Variants in TENM4 observed in about 807,000 individuals in gnomAD.
The protein encoded by TENM4 is teneurin transmembrane protein 4.
Under a neutral mutation model 243.3 loss-of-function variants are expected in TENM4, and 82 were observed. The observed-to-expected ratio is 0.34, with a 90% CI of 0.28 to 0.40. TENM4 has a LOEUF of 0.40. TENM4 is among the 10% of genes least tolerant of loss of function. The probability of loss-of-function intolerance (pLI) is 1.00; values close to 1 mark genes in which losing one functional copy is unlikely to be tolerated. For missense variants in TENM4, 3,138 were observed against 3,673.3 expected (o/e 0.85, Z 3.77); for synonymous variants, 1,412 against 1,456.3 (o/e 0.97, Z 0.69).
At chr11:79,012,127 C>G (rs567445901) in intron 6 of TENM4, among the ~76,000 whole-genome samples, 5 of 152,230 alleles carry the variant, frequency 3.3e-5, no homozygotes, top group African/African-American at 9.6e-5. Context: ...GAGACCGGCT[C>G]CTCTGTCCTG....
chr11:79,138,417 A>G lies in TENM4; in HGVS notation c.-66+10293T>C, dbSNP rs1379886444. Among the ~76,000 whole-genome samples, 34 of 116,302 alleles carry G rather than the reference A, an allele frequency of 2.9e-4. 2 individuals carry two copies. In the East Asian group the frequency reaches 7.1e-3, roughly 24 times the overall value. 76.3% of individuals were successfully genotyped at this position (116,302 alleles called of 152,430 possible). On this transcript the variant is annotated intron_variant, in intron 4 of 33. Transcript: ENST00000278550. ...ATAGTTATATATAAATAAAATATAT[A>G]TTATATTATATATAAATATATATTA...
At chr11:78,878,739 G>T (rs1013053182) in intron 9 of TENM4, among the ~76,000 whole-genome samples, 1 of 152,214 alleles carries the variant, frequency 6.6e-6, no homozygotes, top group South Asian at 2.1e-4. Flanking sequence ...GGATCTAGCA[G>T]TGAGTAACAG....
intron 6 of TENM4, among the ~76,000 whole-genome samples, chr11:79,021,238 C>G (rs1399376856): frequency 6.6e-6 from 1 of 152,154 alleles, no homozygotes; most frequent in African/African-American, 2.4e-5. Context: ...CATCTGAAAG[C>G]AGGAGCCATT....
intron 9 of TENM4, among the ~76,000 whole-genome samples, chr11:78,864,595 A>G (rs1200020930): frequency 1.3e-5 from 2 of 152,256 alleles, no homozygotes; most frequent in Non-Finnish European, 2.9e-5. Context: ...TTCATCTCCA[A>G]TAATGTTTGT....
At chr11:79,312,721 A>C (rs1856742209) in intron 1 of TENM4, among the ~76,000 whole-genome samples, 1 of 152,156 alleles carries the variant, frequency 6.6e-6, no homozygotes, top group Admixed American at 6.5e-5. Flanking sequence ...ATGTGTTCCC[A>C]ACACTTCTTG....
chr11:79,097,190 G>C (rs71471438), intron 4 of TENM4: 2 of 152,172 alleles, frequency 1.3e-5, no homozygotes, highest in African/African-American at 2.4e-5. Context: ...TCGGAGCCCA[G>C]GTCTAAGAAC....
intron 9 of TENM4, among the ~76,000 whole-genome samples, chr11:78,875,324 C>T (rs149711876): frequency 5.9e-5 from 9 of 152,302 alleles, no homozygotes; most frequent in African/African-American, 2.2e-4. Flanking sequence ...TTGCTTCAGC[C>T]TCTCGAGTAG....
In TENM4 at chr11:78,655,329, A is replaced by C. The variant is rs369396875; in HGVS notation, c.*2729T>G. 5.9e-5 allele frequency: 9 copies of C among 152,280 alleles called. No homozygotes were observed. Among genetic ancestry groups the C allele is most frequent in the South Asian group, 2.1e-4 (1 of 4,822 alleles). 9.4% of individuals were successfully genotyped at this position (152,280 alleles called of 1,614,324 possible). ...GGGATCCTTCAACTTCTCTCCCCAC[A>C]GAAGCTGGGCTGCTGTGGTGGTATG... is the stretch of plus-strand genomic sequence containing the variant. On this transcript the variant is annotated 3_prime_UTR_variant, in exon 34 of 34. Transcript: ENST00000278550.
At chr11:79,337,970 G>C (rs1316471547) in intron 1 of TENM4, among the ~76,000 whole-genome samples, 5 of 152,206 alleles carry the variant, frequency 3.3e-5, no homozygotes, top group African/African-American at 4.8e-5. Context: ...TTTTGAGACT[G>C]TGAGAAGTTG....
intron 19 of TENM4, among the ~76,000 whole-genome samples, chr11:78,754,399 A>G (rs1856257031): frequency 6.6e-6 from 1 of 152,182 alleles, no homozygotes; most frequent in African/African-American, 2.4e-5. Context: ...CATGGCGCTT[A>G]AGCAGCAGGC....
At chr11:78,945,027 T>G (rs921485440) in intron 6 of TENM4, among the ~76,000 whole-genome samples, 15 of 152,256 alleles carry the variant, frequency 9.9e-5, no homozygotes, top group Non-Finnish European at 1.6e-4. Context: ...GACTGTACTT[T>G]GGCTATCTTT....
chr11:78,693,940 G>A (rs1018689818), intron 28 of TENM4, among the ~76,000 whole-genome samples: 3 of 151,998 alleles, frequency 2.0e-5, no homozygotes, highest in Non-Finnish European at 2.9e-5. Context: ...GATTGAACCC[G>A]GGAGACAGAG....
chr11:78,882,514 G>C (rs888888304), intron 9 of TENM4, among the ~76,000 whole-genome samples: 1 of 152,218 alleles, frequency 6.6e-6, no homozygotes, highest in African/African-American at 2.4e-5. Flanking sequence ...CAGAGAGTAA[G>C]ACAAGAGGAG....
intron 9 of TENM4, among the ~76,000 whole-genome samples, chr11:78,864,007 A>C (rs1858893578): frequency 6.6e-6 from 1 of 152,258 alleles, no homozygotes. Context: ...TAACAAGAAT[A>C]AAGAGGTTCT....
At chr11:78,885,093 C>T (rs781352602) in intron 9 of TENM4, among the ~76,000 whole-genome samples, 11 of 152,168 alleles carry the variant, frequency 7.2e-5, no homozygotes, top group Non-Finnish European at 1.3e-4. Flanking sequence ...CAATTAAATG[C>T]TATACAATAA....
intron 12 of TENM4, among the ~76,000 whole-genome samples, chr11:78,818,588 G>A (rs1857658447): frequency 6.6e-6 from 1 of 152,164 alleles, no homozygotes; most frequent in Non-Finnish European, 1.5e-5. Context: ...CACTTGGAGG[G>A]ATTTCAACAA....
intron 6 of TENM4, among the ~76,000 whole-genome samples, chr11:79,003,197 GA>G (rs1221184020): frequency 6.6e-6 from 1 of 152,164 alleles, no homozygotes; most frequent in African/African-American, 2.4e-5. Context: ...ATCCCTCAAA[GA>G]GAGGAAGAGA....
chr11:79,294,575 G>A (rs180968427), intron 2 of TENM4, among the ~76,000 whole-genome samples: 19 of 152,124 alleles, frequency 1.2e-4, no homozygotes, highest in Admixed American at 4.6e-4. Flanking sequence ...GGGGCCAGGC[G>A]CGGTGGCTTG....
At chr11:79,062,057 G>T (rs1467709662) in intron 6 of TENM4, among the ~76,000 whole-genome samples, 1 of 151,694 alleles carries the variant, frequency 6.6e-6, no homozygotes, top group South Asian at 2.1e-4. Context: ...TGCCTCTGGG[G>T]TTCCAGTGAT....
Sources: gnomAD v4.1 joint callset for allele counts (sites outside exome capture counted in the v4.1 genomes callset) on GRCh38, gnomAD v4.1.1 for gene constraint, MANE v1.5 for transcripts, NCBI Gene and HGNC (gene_info 2026-07-23, HGNC 2026-07-21) for gene names.